Variants in ADAMTS16 observed in about 807,000 individuals in gnomAD.
The protein encoded by ADAMTS16 is A disintegrin and metalloproteinase with thrombospondin motifs 16.
ADAMTS16 carries 94 observed loss-of-function variants against 145.8 expected under a neutral mutation model. The ratio of observed to expected loss-of-function variants is 0.64; its 90% CI spans 0.55 to 0.77. ADAMTS16 has a LOEUF of 0.77. ADAMTS16 is among the 30% of genes least tolerant of loss of function. The probability of loss-of-function intolerance (pLI) is 0.00; values close to 1 mark genes in which losing one functional copy is unlikely to be tolerated. For missense variants in ADAMTS16, 1,585 were observed against 1,591.5 expected, an observed-to-expected ratio of 1.00 and a Z score of 0.07; for synonymous variants, 659 against 604.3, an observed-to-expected ratio of 1.09 and a Z score of -1.33.
intron 18 of ADAMTS16, among the ~76,000 whole-genome samples, chr5:5,290,902 A>G (rs1235768430): frequency 6.6e-6 from 1 of 152,116 alleles, no homozygotes; most frequent in Non-Finnish European, 1.5e-5. Context: ...GAGGTGGAGA[A>G]CACCTGTGCG....
At chr5:5,177,597 G>A (rs896063338) in intron 3 of ADAMTS16, among the ~76,000 whole-genome samples, 10 of 152,088 alleles carry the variant, frequency 6.6e-5, no homozygotes, top group African/African-American at 2.2e-4. Context: ...GTGGCTTTTG[G>A]TGTAGATTCA....
intron 10 of ADAMTS16, among the ~76,000 whole-genome samples, chr5:5,222,098 C>T (rs566152930): frequency 6.6e-6 from 1 of 152,306 alleles, no homozygotes; most frequent in Admixed American, 6.5e-5. Context: ...AAAAACAATT[C>T]CTTGCACTCG....
intron 18 of ADAMTS16, among the ~76,000 whole-genome samples, chr5:5,274,479 C>T (rs1027189207): frequency 2.0e-5 from 3 of 152,148 alleles, no homozygotes; most frequent in Admixed American, 1.3e-4. Context: ...TTCAGATTGG[C>T]TTCTTTCACT....
chr5:5,291,171 C>G (rs990645062), intron 18 of ADAMTS16, among the ~76,000 whole-genome samples: 1 of 152,030 alleles, frequency 6.6e-6, no homozygotes, highest in African/African-American at 2.4e-5. Context: ...GGCAATACAA[C>G]AAAATTAATG....
intron 8 of ADAMTS16, among the ~76,000 whole-genome samples, chr5:5,193,505 G>C (rs1579301463): frequency 6.6e-6 from 1 of 152,164 alleles, no homozygotes; most frequent in South Asian, 2.1e-4. Flanking sequence ...AAACAATCAA[G>C]GCAAGAAATA....
chr5:5,288,969 C>T lies in ADAMTS16; in HGVS notation c.2790-14299C>T, dbSNP rs187825211. On this transcript the variant is annotated intron_variant, in intron 18 of 22. Transcript: ENST00000274181. ...ATGAAATGAAATTCTAACAGCAGTG[C>T]CCCATAGGGTTGTTAAGTGGGCTAA... Among the ~76,000 whole-genome samples, 334 of 152,272 alleles carry T rather than the reference C, an allele frequency of 2.2e-3. 4 individuals carry two copies. Among genetic ancestry groups the T allele is most frequent in the African/African-American group, 7.9e-3 (327 of 41,558 alleles).
intron 18 of ADAMTS16, among the ~76,000 whole-genome samples, chr5:5,280,173 A>G (rs1738850616): frequency 6.6e-6 from 1 of 152,080 alleles, no homozygotes; most frequent in Non-Finnish European, 1.5e-5. Flanking sequence ...TGAATCCTGA[A>G]TCCAGGCACG....
chr5:5,258,124 T>C (rs1380315835), intron 17 of ADAMTS16, among the ~76,000 whole-genome samples: 3 of 152,184 alleles, frequency 2.0e-5, no homozygotes, highest in Non-Finnish European at 2.9e-5. Flanking sequence ...CTGAACTCCG[T>C]CATTAAAGAG....
chr5:5,168,221 C>A (rs1734934570), intron 3 of ADAMTS16, among the ~76,000 whole-genome samples: 1 of 151,918 alleles, frequency 6.6e-6, no homozygotes, highest in Admixed American at 6.6e-5. Context: ...ATTTTCTTGA[C>A]CTTTTAATAT....
Position 5,319,360 on chromosome 5 carries a change from G to T in ADAMTS16, c.*222G>T. The T allele has an allele frequency of 1.9e-6, 1 of 534,036 alleles. No homozygotes were observed. Among genetic ancestry groups the T allele is most frequent in the South Asian group, 2.1e-5 (1 of 47,822 alleles). 33.1% of individuals were successfully genotyped at this position (534,036 alleles called of 1,614,324 possible). ...ACAGTGTCTCCTGTCAGGCTGAAAT[G>T]TGGCACCCTGGCAGACAGAGCTGTG... is the stretch of plus-strand genomic sequence containing the variant. On this transcript the variant is annotated 3_prime_UTR_variant, in exon 23 of 23. Coordinates refer to ENST00000274181, the MANE Select transcript of ADAMTS16 (RefSeq NM_139056.4).
chr5:5,228,108 A>G (rs1304717391), intron 11 of ADAMTS16, among the ~76,000 whole-genome samples: 1 of 152,252 alleles, frequency 6.6e-6, no homozygotes, highest in South Asian at 2.1e-4. Context: ...AATATTTTAG[A>G]TAACTTAAAA....
At position 5,242,060 on chromosome 5, in the gene ADAMTS16, T is replaced by C; in HGVS notation, c.2531T>C (p.Phe844Ser). Residue 844 changes from phenylalanine to serine, a missense_variant, in exon 17 of 23, where the codon TTT becomes TCT. Physicochemically the swap from Phe to Ser is radical, Grantham distance 155 (BLOSUM62 -2). Around this residue, in one of 3 missense-constraint regions of ADAMTS16, gnomAD observed 834 missense variants for 811.7 expected, o/e 1.03. Transcript: ENST00000274181. ...TNETLIVELL[F>S]QGRNPGVAWE... ...CCCTTTCTTATTTTGTAGCTGCTGT[T>C]TCAGGGAAGGAACCCGGGTGTTGCC... 3 of 1,614,078 alleles carry C rather than the reference T, an allele frequency of 1.9e-6. No homozygotes were observed. The highest frequency in any genetic ancestry group is 2.5e-6 in the Non-Finnish European group (3 of 1,179,976).
At chr5:5,200,401 A>G in intron 9 of ADAMTS16, 132 bp downstream of exon 9, 2 of 1,215,412 alleles carry the variant, frequency 1.6e-6, no homozygotes, top group South Asian at 3.1e-5. Flanking sequence ...GTCTTGAGAC[A>G]TTCAGTTGAC....
chr5:5,239,139 TG>T lies in ADAMTS16; in HGVS notation c.2155-9del. 1 of 1,516,982 alleles carries T rather than the reference TG, an allele frequency of 6.6e-7. No individual in the cohort carries two copies. Among genetic ancestry groups the T allele is most frequent in the Non-Finnish European group, 8.8e-7 (1 of 1,133,844 alleles). The allele number at this position is 1,516,982 out of a possible 1,614,324, so 94.0% of individuals were successfully genotyped here. A position where few individuals can be genotyped will look rare whatever the true frequency, so the allele number is the denominator to read the frequency against. On this transcript the variant is annotated splice_polypyrimidine_tract_variant and intron_variant, in intron 14 of 22. Transcript: ENST00000274181. ...CTTTCATGAATGACATGTGACCTCA[TG>T]GGCCCTCCAGAGAGTTGGATGTGAC...
intron 2 of ADAMTS16, 62 bp downstream of exon 2, chr5:5,140,828 G>T: frequency 2.1e-6 from 3 of 1,452,270 alleles, no homozygotes; most frequent in South Asian, 1.3e-5. Context: ...TCTCCGTGCC[G>T]CTGGTTTATT....
At chr5:5,220,803 C>T (rs1224011885) in intron 10 of ADAMTS16, among the ~76,000 whole-genome samples, 1 of 152,034 alleles carries the variant, frequency 6.6e-6, no homozygotes, top group African/African-American at 2.4e-5. Flanking sequence ...GCAAAATTCA[C>T]CCTGGAGCTG....
At chr5:5,284,386 T>G (rs1255415233) in intron 18 of ADAMTS16, among the ~76,000 whole-genome samples, 4 of 152,228 alleles carry the variant, frequency 2.6e-5, no homozygotes, top group African/African-American at 9.6e-5. Context: ...AACCTTTCAA[T>G]AGTAATGCAT....
chr5:5,313,480 G>A (rs1055697169), intron 21 of ADAMTS16, among the ~76,000 whole-genome samples: 2 of 152,318 alleles, frequency 1.3e-5, no homozygotes, highest in Admixed American at 6.5e-5. Flanking sequence ...TTGTTCCCAC[G>A]CTAATTTGGT....
At chr5:5,157,070 T>C (rs1289829584) in intron 3 of ADAMTS16, among the ~76,000 whole-genome samples, 1 of 152,158 alleles carries the variant, frequency 6.6e-6, no homozygotes, top group Non-Finnish European at 1.5e-5. Flanking sequence ...TCATTTGTCA[T>C]TAGTTGAATG....
Sources: gnomAD v4.1 joint callset for allele counts (sites outside exome capture counted in the v4.1 genomes callset) on GRCh38, gnomAD v4.1.1 for gene constraint, gnomAD v4.1.1 regional missense constraint, MANE v1.5 for transcripts, NCBI Gene and HGNC (gene_info 2026-07-23, HGNC 2026-07-21) for gene names.